The following EEFSEC variants were observed in gnomAD, a reference collection of about 807,000 sequenced individuals.
The protein encoded by EEFSEC is eukaryotic elongation factor, selenocysteine-tRNA specific.
EEFSEC carries 43 observed loss-of-function variants against 42.1 expected under a neutral mutation model. The observed-to-expected ratio is 1.02, with a 90% CI of 0.80 to 1.32. EEFSEC has a LOEUF of 1.32. EEFSEC is among the 40% of genes most tolerant of loss of function. EEFSEC has a pLI of 0.00. For synonymous variants in EEFSEC, 354 were observed against 339.1 expected, an observed-to-expected ratio of 1.04 and a Z score of -0.48; for missense variants, 745 against 803.6, an observed-to-expected ratio of 0.93 and a Z score of 0.88.
downstream of EEFSEC, among the ~76,000 whole-genome samples, chr3:128,410,658 A>G (rs923625065): frequency 7.2e-5 from 11 of 152,306 alleles, no homozygotes; most frequent in African/African-American, 2.6e-4. Context: ...CAGCCATGCC[A>G]GAGGGCTGCC....
chr3:128,342,820 A>G (rs1481200517), intron 5 of EEFSEC, among the ~76,000 whole-genome samples: 1 of 152,014 alleles, frequency 6.6e-6, no homozygotes, highest in Non-Finnish European at 1.5e-5. Context: ...TAGTGGAATC[A>G]CCTCCTCCCA....
chr3:128,320,693 A>G (rs1419314167), intron 4 of EEFSEC, among the ~76,000 whole-genome samples: 1 of 152,218 alleles, frequency 6.6e-6, no homozygotes, highest in African/African-American at 2.4e-5. Flanking sequence ...GGTGTGGCAG[A>G]TGCAAAGATG....
intron 1 of EEFSEC, among the ~76,000 whole-genome samples, chr3:128,189,548 G>A (rs1048025476): frequency 1.4e-5 from 2 of 147,224 alleles, no homozygotes; most frequent in Non-Finnish European, 3.0e-5. Context: ...GTACTCCTTC[G>A]ACTTCTTTTC....
intron 1 of EEFSEC, among the ~76,000 whole-genome samples, chr3:128,163,939 A>G (rs572964524): frequency 2.0e-4 from 18 of 88,442 alleles, no homozygotes; most frequent in Admixed American, 4.1e-4. Context: ...TTTTTTTGTG[A>G]AAAAAAAAAA....
chr3:128,345,830 C>A (rs553589302), intron 5 of EEFSEC, among the ~76,000 whole-genome samples: 4 of 152,246 alleles, frequency 2.6e-5, no homozygotes, highest in Non-Finnish European at 4.4e-5. Flanking sequence ...GATCCCATTT[C>A]CTATAAAGGC....
intron 4 of EEFSEC, among the ~76,000 whole-genome samples, chr3:128,270,041 G>A (rs761459021): frequency 5.9e-5 from 9 of 152,180 alleles, no homozygotes; most frequent in South Asian, 2.1e-4. Context: ...CAACCTCTTC[G>A]TGTTTCACTG....
chr3:128,277,019 A>T (rs1255867106), intron 4 of EEFSEC, among the ~76,000 whole-genome samples: 1 of 152,196 alleles, frequency 6.6e-6, no homozygotes, highest in Non-Finnish European at 1.5e-5. Flanking sequence ...CTTCTTGAGG[A>T]AGCAGACCCT....
At chr3:128,372,133 C>T (rs1418987296) in intron 6 of EEFSEC, among the ~76,000 whole-genome samples, 1 of 152,220 alleles carries the variant, frequency 6.6e-6, no homozygotes, top group Non-Finnish European at 1.5e-5. Flanking sequence ...TAAATAAAGT[C>T]AGCAGAGTGA....
At chr3:128,382,051 T>C (rs1196408720) in intron 6 of EEFSEC, among the ~76,000 whole-genome samples, 1 of 152,160 alleles carries the variant, frequency 6.6e-6, no homozygotes, top group African/African-American at 2.4e-5. Context: ...ACTTCCCAGG[T>C]GGCCCCAGGC....
intron 6 of EEFSEC, among the ~76,000 whole-genome samples, chr3:128,369,270 C>T (rs1216725240): frequency 1.3e-5 from 2 of 152,210 alleles, no homozygotes; most frequent in Non-Finnish European, 2.9e-5. Context: ...ACACGATGAG[C>T]CCTGAGGTTG....
At chr3:128,247,275 G>T (rs951779857) in intron 2 of EEFSEC, among the ~76,000 whole-genome samples, 1 of 152,196 alleles carries the variant, frequency 6.6e-6, no homozygotes, top group Non-Finnish European at 1.5e-5. Context: ...ATTTGATGAG[G>T]CACAAGCCCT....
intron 6 of EEFSEC, among the ~76,000 whole-genome samples, chr3:128,397,873 G>A (rs1046664751): frequency 1.3e-5 from 2 of 152,252 alleles, no homozygotes; most frequent in Non-Finnish European, 2.9e-5. Context: ...CTAGTTCTGG[G>A]CAGGCAGGCT....
chr3:128,297,680 A>G (rs1432846530), intron 4 of EEFSEC, among the ~76,000 whole-genome samples: 2 of 152,194 alleles, frequency 1.3e-5, no homozygotes, highest in Non-Finnish European at 2.9e-5. Context: ...CCTGCCCTTG[A>G]TTCTGGGCTC....
At chr3:128,249,894 T>C (rs532865958) in intron 2 of EEFSEC, among the ~76,000 whole-genome samples, 1 of 152,316 alleles carries the variant, frequency 6.6e-6, no homozygotes, top group African/African-American at 2.4e-5. Context: ...TGAACATGGA[T>C]GTATAGCTAT....
intron 6 of EEFSEC, among the ~76,000 whole-genome samples, chr3:128,397,923 G>C (rs1055203476): frequency 6.6e-6 from 1 of 152,226 alleles, no homozygotes; most frequent in Non-Finnish European, 1.5e-5. Flanking sequence ...GTGCAGTCCA[G>C]TTCTCCCACC....
At chr3:128,275,128 T>C (rs980186511) in intron 4 of EEFSEC, among the ~76,000 whole-genome samples, 26 of 152,250 alleles carry the variant, frequency 1.7e-4, no homozygotes, top group African/African-American at 6.3e-4. Context: ...GGTCTAGCAG[T>C]GACCTGAGGA....
chr3:128,252,748 T>C (rs1294109265), intron 2 of EEFSEC, among the ~76,000 whole-genome samples: 2 of 152,192 alleles, frequency 1.3e-5, no homozygotes, highest in African/African-American at 4.8e-5. Context: ...TCTGAAACTT[T>C]TTTTGTGTGC....
chr3:128,362,314 T>C, intron 6 of EEFSEC: 2 of 477,412 alleles, frequency 4.2e-6, no homozygotes, highest in Non-Finnish European at 4.4e-6. Context: ...CCTTGATGAC[T>C]CCCAACTGGA....
chr3:128,168,471 G>A (rs1187437754), intron 1 of EEFSEC, among the ~76,000 whole-genome samples: 1 of 152,180 alleles, frequency 6.6e-6, no homozygotes, highest in African/African-American at 2.4e-5. Flanking sequence ...AAACTTTCTG[G>A]GGAGAGAGAG....
Sources: gnomAD v4.1 joint callset for allele counts (sites outside exome capture counted in the v4.1 genomes callset) on GRCh38, gnomAD v4.1.1 for gene constraint, MANE v1.5 for transcripts, NCBI Gene and HGNC (gene_info 2026-07-23, HGNC 2026-07-21) for gene names.